Variants in FRMPD4 observed in about 807,000 individuals in gnomAD.
FRMPD4 encodes the protein FERM and PDZ domain-containing protein 4.
Under a neutral mutation model 94.1 loss-of-function variants are expected in FRMPD4, and 22 were observed. The observed-to-expected ratio is 0.23, with a 90% confidence interval of 0.17 to 0.33. FRMPD4 has a LOEUF of 0.33. Among genes scored for constraint, FRMPD4 ranks in the 10% least tolerant of loss-of-function variants. FRMPD4 has a pLI of 1.00. For missense variants in FRMPD4, 1,111 were observed against 1,339.9 expected (o/e 0.83, Z 2.67); for synonymous variants, 631 against 548.6 (o/e 1.15, Z -2.10).
chrX:12,132,226 G>A lies in FRMPD4; in HGVS notation c.95+254208G>A, dbSNP rs1330195318. ...AATGATTTGATGATCGGTTTCAGGT[G>A]AGGTTTAGGAGGGAAAAAAAAAAAG... On this transcript the variant is annotated intron_variant, in intron 3 of 18. Coordinates refer to the FRMPD4 transcript ENST00000640291. 4.2e-5 allele frequency among the ~76,000 whole-genome samples: 4 copies of A among 95,227 alleles called. No individual in the cohort carries two copies. The East Asian group carries it at 2.1e-3, about 50-fold the overall frequency. 82.7% of individuals were successfully genotyped at this position (95,227 alleles called of 115,157 possible).
intron 3 of FRMPD4, among the ~76,000 whole-genome samples, chrX:12,116,359 T>C (rs2055408745): frequency 8.9e-6 from 1 of 112,304 alleles, no homozygotes; most frequent in South Asian, 3.7e-4. Flanking sequence ...TTAAAGATTT[T>C]CCAGATACTT....
At chrX:12,102,059 T>C (rs2055260315) in intron 3 of FRMPD4, among the ~76,000 whole-genome samples, 1 of 112,265 alleles carries the variant, frequency 8.9e-6, no homozygotes, top group African/African-American at 3.2e-5. Flanking sequence ...TACATGAGAA[T>C]TGCTCTGTGC....
intron 2 of FRMPD4, among the ~76,000 whole-genome samples, chrX:12,599,247 TGATA>T (rs1386869958): frequency 9.0e-6 from 1 of 111,174 alleles, no homozygotes; most frequent in Non-Finnish European, 1.9e-5. Flanking sequence ...TTAACATGAT[TGATA>T]AAGACTTTGC....
chrX:12,129,771 C>T (rs1256302091), intron 3 of FRMPD4, among the ~76,000 whole-genome samples: 1 of 111,773 alleles, frequency 8.9e-6, no homozygotes, highest in African/African-American at 3.3e-5. Context: ...AATCATTTAA[C>T]TTCCTAGGAC....
intron 1 of FRMPD4, among the ~76,000 whole-genome samples, chrX:11,832,232 A>G (rs956895180): frequency 1.8e-5 from 2 of 111,867 alleles, no homozygotes; most frequent in African/African-American, 3.3e-5. Flanking sequence ...TACTCTGTTT[A>G]ACAGATACCG....
chrX:11,864,936 G>T (rs943520789), intron 1 of FRMPD4, among the ~76,000 whole-genome samples: 1 of 111,737 alleles, frequency 8.9e-6, no homozygotes, highest in South Asian at 3.7e-4. Context: ...TAAATTGAGG[G>T]TGGTAGAGGT....
intron 1 of FRMPD4, among the ~76,000 whole-genome samples, chrX:12,267,951 T>G (rs2054298929): frequency 8.9e-6 from 1 of 112,882 alleles, no homozygotes; most frequent in East Asian, 2.8e-4. Flanking sequence ...TTAAGGTAAT[T>G]TATACTCCAA....
At chrX:12,437,690 C>T (rs1463150828) in intron 1 of FRMPD4, among the ~76,000 whole-genome samples, 3 of 112,100 alleles carry the variant, frequency 2.7e-5, no homozygotes, top group Non-Finnish European at 5.6e-5. Context: ...GAATTAATCT[C>T]TTTCCATCTG....
intron 2 of FRMPD4, among the ~76,000 whole-genome samples, chrX:12,590,223 T>A (rs1239747371): frequency 8.9e-6 from 1 of 112,354 alleles, no homozygotes; most frequent in African/African-American, 3.2e-5. Context: ...GAGACTTTAA[T>A]ATGATTTCCT....
intron 3 of FRMPD4, among the ~76,000 whole-genome samples, chrX:12,089,218 T>C (rs2055134892): frequency 8.9e-6 from 1 of 112,206 alleles, no homozygotes; most frequent in South Asian, 3.7e-4. Context: ...AGCATTTAGG[T>C]GGTTTCCAGA....
Position 12,231,906 on chromosome X carries a change from T to G in FRMPD4, c.41+92894T>G, listed in dbSNP as rs368034533. Among the ~76,000 whole-genome samples, 16 of 112,088 alleles carry G rather than the reference T, an allele frequency of 1.4e-4. No individual in the cohort carries two copies. The East Asian group carries it at 2.5e-3, about 18-fold the overall frequency. Reference sequence around the variant, plus strand: ...AATGGCCATTCTAAGTGCAAACATTTGTGTATTCTGTTGGGTGTTTCCATA... The same window carrying G: ...AATGGCCATTCTAAGTGCAAACATTGGTGTATTCTGTTGGGTGTTTCCATA... On this transcript the variant is annotated intron_variant, in intron 1 of 16. Coordinates refer to ENST00000675598, the MANE Select transcript of FRMPD4 (RefSeq NM_001368397.1).
At chrX:12,327,506 A>G (rs774799687) in intron 1 of FRMPD4, among the ~76,000 whole-genome samples, 6 of 112,263 alleles carry the variant, frequency 5.3e-5, no homozygotes, top group Non-Finnish European at 1.1e-4. Context: ...AATATTTCCA[A>G]TCTGATCAAA....
intron 1 of FRMPD4, among the ~76,000 whole-genome samples, chrX:12,338,556 A>G (rs959595199): frequency 3.6e-5 from 4 of 112,157 alleles, no homozygotes; most frequent in Non-Finnish European, 5.6e-5. Context: ...AGATACAGAC[A>G]TGATTTAAAA....
intron 3 of FRMPD4, among the ~76,000 whole-genome samples, chrX:12,103,373 G>A (rs192000713): frequency 4.5e-5 from 5 of 111,906 alleles, no homozygotes; most frequent in Admixed American, 9.5e-5. Context: ...GAAAGTAACC[G>A]ACATATGATA....
At chrX:12,438,514 C>T (rs1307627778) in intron 1 of FRMPD4, among the ~76,000 whole-genome samples, 1 of 110,136 alleles carries the variant, frequency 9.1e-6, no homozygotes, top group Non-Finnish European at 1.9e-5. Context: ...TCTCATCATT[C>T]CTAGTAATGA....
At chrX:12,209,086 T>A (rs1199855909) in intron 1 of FRMPD4, among the ~76,000 whole-genome samples, 1 of 112,030 alleles carries the variant, frequency 8.9e-6, no homozygotes, top group Non-Finnish European at 1.9e-5. Flanking sequence ...GAATTTTGTC[T>A]TCTTAAATTG....
intron 1 of FRMPD4, among the ~76,000 whole-genome samples, chrX:12,354,526 C>T (rs1036547755): frequency 8.9e-6 from 1 of 112,323 alleles, no homozygotes; most frequent in Admixed American, 9.4e-5. Context: ...TTCATGGTTT[C>T]ATGGTTTCAC....
chrX:12,530,877 A>G (rs1205671305), intron 2 of FRMPD4, among the ~76,000 whole-genome samples: 1 of 111,807 alleles, frequency 8.9e-6, no homozygotes, highest in Admixed American at 9.6e-5. Context: ...TGTATGGTGC[A>G]TAGTTGGATG....
At chrX:11,881,492 A>G (rs1490904417) in intron 3 of FRMPD4, among the ~76,000 whole-genome samples, 2 of 112,670 alleles carry the variant, frequency 1.8e-5, no homozygotes, top group Admixed American at 9.4e-5. Context: ...TTATTGATAC[A>G]TACAACAAAT....
Sources: allele counts gnomAD v4.1 joint callset (sites outside exome capture counted in the v4.1 genomes callset), GRCh38; gene constraint gnomAD v4.1.1; transcripts MANE v1.5; gene names NCBI Gene and HGNC (gene_info 2026-07-23, HGNC 2026-07-21).